Variants in LRRC9 observed in about 807,000 individuals in gnomAD.
LRRC9 encodes leucine rich repeat containing 9.
Under a neutral mutation model 63.2 loss-of-function variants are expected in LRRC9, and 122 were observed. That is an observed-to-expected ratio of 1.93 (90% confidence interval 1.67 to 2.24). LRRC9 has a LOEUF of 2.24. Ranked by LOEUF, LRRC9 falls within the 30% of genes most tolerant of loss-of-function variation. LRRC9 has a pLI of 0.00. For synonymous variants in LRRC9, 366 were observed against 213.1 expected (o/e 1.72, Z -6.25); for missense variants, 1,071 against 627.7 (o/e 1.71, Z -7.55).
At chr14:60,014,882 T>C (rs1480918183) in intron 23 of LRRC9, among the ~76,000 whole-genome samples, 1 of 152,142 alleles carries the variant, frequency 6.6e-6, no homozygotes, top group Admixed American at 6.6e-5. Flanking sequence ...TCTTTTTCTA[T>C]GAATCCAGTG....
At chr14:59,953,911 A>G (rs1883442138) in intron 8 of LRRC9, among the ~76,000 whole-genome samples, 1 of 152,194 alleles carries the variant, frequency 6.6e-6, no homozygotes, top group Non-Finnish European at 1.5e-5. Flanking sequence ...CATTTATTAA[A>G]TAGGGAATCC....
Position 60,036,525 on chromosome 14 carries a change from T to G in LRRC9, c.3990+4462T>G, listed in dbSNP as rs934821509. Among the ~76,000 whole-genome samples, 15 of 152,322 alleles carry G rather than the reference T, an allele frequency of 9.8e-5. 1 individual carries two copies. Among genetic ancestry groups the G allele is most frequent in the Admixed American group, 6.5e-4 (10 of 15,300 alleles). ...TCTGAAGATTACGGACCAGTTAATTTGTAGAATGTCCTTCAAGTTGGGTTC... is the reference window on the plus strand; with the variant it reads ...TCTGAAGATTACGGACCAGTTAATTGGTAGAATGTCCTTCAAGTTGGGTTC... On this transcript the variant is annotated intron_variant, in intron 29 of 31. Coordinates refer to ENST00000445360, the Ensembl canonical transcript of LRRC9.
intron 8 of LRRC9, among the ~76,000 whole-genome samples, chr14:59,957,391 G>A (rs535823584): frequency 6.6e-6 from 1 of 151,984 alleles, no homozygotes; most frequent in East Asian, 1.9e-4. Flanking sequence ...TTCAATCTCT[G>A]ATATCCTTTA....
At position 60,058,464 on chromosome 14, in the gene LRRC9, T is replaced by C. The variant is rs1894437776; in HGVS notation, c.4276+442T>C. The stretch of plus-strand genomic sequence containing the variant: ...GATATTCTGCAGAGATATCTCACTT[T>C]CCCCTTGAAATCATAAGAAAATATT... On this transcript the variant is annotated intron_variant, in intron 31 of 31. Transcript: ENST00000445360. The surrounding 1 kb of genome is among the most constrained non-coding windows in gnomAD (Gnocchi z 4.4). Among the ~76,000 whole-genome samples, 1 of 152,078 alleles carries C rather than the reference T, an allele frequency of 6.6e-6. No homozygotes were observed. Among genetic ancestry groups the C allele is most frequent in the African/African-American group, 2.4e-5 (1 of 41,412 alleles).
At position 59,986,339 on chromosome 14, in the gene LRRC9, T is replaced by C. The variant is rs997724313; in HGVS notation, c.2211+1115T>C. Among the ~76,000 whole-genome samples the C allele has an allele frequency of 6.6e-6, 1 of 152,354 alleles. No individual in the cohort carries two copies. The highest frequency in any genetic ancestry group is 1.9e-4 in the East Asian group (1 of 5,192). The stretch of plus-strand genomic sequence containing the variant: ...AATATATCATCATTTTCAGCTCTTA[T>C]TCATTCTTTATTCCAGCTCCTTGCT... On this transcript the variant is annotated intron_variant, in intron 17 of 31. Coordinates refer to ENST00000445360, the Ensembl canonical transcript of LRRC9. This position sits in a 1 kb window ranked among gnomAD's most constrained non-coding sequence, Gnocchi z 4.7.
rs1048837425 is a variant in LRRC9, at chr14:60,051,759, C to G, written c.3991-1306C>G. On this transcript the variant is annotated intron_variant, in intron 29 of 31. Transcript: ENST00000445360. The surrounding 1 kb of genome is among the most constrained non-coding windows in gnomAD (Gnocchi z 4.7). Reference sequence around the variant, plus strand: ...AAACTTCTGGGTCTCTGTGCCTGAGCAGCTACTCTGCCAAGACTCCACACT... The same window carrying G: ...AAACTTCTGGGTCTCTGTGCCTGAGGAGCTACTCTGCCAAGACTCCACACT... Among the ~76,000 whole-genome samples, 1 of 152,230 alleles carries G rather than the reference C, an allele frequency of 6.6e-6. No homozygotes were observed. Among genetic ancestry groups the G allele is most frequent in the Non-Finnish European group, 1.5e-5 (1 of 68,046 alleles).
intron 20 of LRRC9, among the ~76,000 whole-genome samples, chr14:60,002,918 G>A (rs1220965692): frequency 6.6e-6 from 1 of 152,102 alleles, no homozygotes; most frequent in Non-Finnish European, 1.5e-5. Flanking sequence ...CAAGAGTCAG[G>A]TATCCTGACA....
intron 23 of LRRC9, among the ~76,000 whole-genome samples, chr14:60,010,022 G>A (rs1260440243): frequency 6.6e-6 from 1 of 152,192 alleles, no homozygotes; most frequent in Non-Finnish European, 1.5e-5. Flanking sequence ...TCACAGGCTG[G>A]CATTGAGTGT....
chr14:59,985,918 T>C (rs1322263281), intron 17 of LRRC9, among the ~76,000 whole-genome samples: 1 of 152,184 alleles, frequency 6.6e-6, no homozygotes, highest in Non-Finnish European at 1.5e-5. Context: ...TTTTAAAATG[T>C]ACTTTGGTGT....
chr14:59,959,912 G>A (rs1487442354), exon 9 of LRRC9: 2 of 701,000 alleles, frequency 2.9e-6, no homozygotes, highest in East Asian at 2.7e-5. Flanking sequence ...ACACTGAAGA[G>A]TTGTGAAACT....
chr14:59,955,389 G>C (rs1173612138), intron 8 of LRRC9, among the ~76,000 whole-genome samples: 1 of 152,094 alleles, frequency 6.6e-6, no homozygotes, highest in Non-Finnish European at 1.5e-5. Context: ...TATGTGTCCA[G>C]GAATTTTTCC....
intron 8 of LRRC9, among the ~76,000 whole-genome samples, chr14:59,947,890 A>G (rs1882635151): frequency 6.6e-6 from 1 of 151,484 alleles, no homozygotes; most frequent in Non-Finnish European, 1.5e-5. Flanking sequence ...TACCAGTACC[A>G]TGCTGTTTTG....
chr14:60,054,080 A>G, intron 30 of LRRC9: 1 of 338,344 alleles, frequency 3.0e-6, no homozygotes, highest in Non-Finnish European at 5.7e-6. Context: ...CTTTAAAAAC[A>G]TTAAACTGAA....
At chr14:60,050,145 C>T (rs1027168687) in intron 29 of LRRC9, among the ~76,000 whole-genome samples, 12 of 152,056 alleles carry the variant, frequency 7.9e-5, no homozygotes, top group African/African-American at 2.7e-4. Flanking sequence ...TACAGGCACA[C>T]ACCACCACGC....
chr14:60,032,382 T>C (rs1200757074), intron 29 of LRRC9, among the ~76,000 whole-genome samples: 1 of 152,118 alleles, frequency 6.6e-6, no homozygotes, highest in Non-Finnish European at 1.5e-5. Context: ...CCTTTAATTC[T>C]TCCTCTTTCA....
At chr14:60,063,081 G>T (rs1894761845) in intron 31 of LRRC9, among the ~76,000 whole-genome samples, 1 of 152,002 alleles carries the variant, frequency 6.6e-6, no homozygotes, top group South Asian at 2.1e-4. Flanking sequence ...TTTTAGTAAA[G>T]GCAGGGTTTC....
chr14:60,058,506 G>A lies in LRRC9; in HGVS notation c.4276+484G>A, dbSNP rs75326196. Among the ~76,000 whole-genome samples, 1,455 of 152,240 alleles carry A rather than the reference G, an allele frequency of 9.6e-3. 27 individuals carry two copies. The highest frequency in any genetic ancestry group is 0.033 in the African/African-American group (1,374 of 41,542). On this transcript the variant is annotated intron_variant, in intron 31 of 31. Transcript: ENST00000445360. This position sits in a 1 kb window ranked among gnomAD's most constrained non-coding sequence, Gnocchi z 4.4. Reference sequence around the variant, plus strand: ...GAAAATATTCATGAAGCAAATACTAGAGAAGGGCTTCAAGAGGTAGAGTTT... The same window carrying A: ...GAAAATATTCATGAAGCAAATACTAAAGAAGGGCTTCAAGAGGTAGAGTTT...
chr14:59,922,939 C>T lies in LRRC9; in HGVS notation c.-34+3056C>T, dbSNP rs1888905473. Among the ~76,000 whole-genome samples the T allele has an allele frequency of 6.6e-6, 1 of 152,180 alleles. No individual in the cohort carries two copies. The highest frequency in any genetic ancestry group is 1.5e-5 in the Non-Finnish European group (1 of 68,032). The stretch of plus-strand genomic sequence containing the variant: ...TAGGTGAAATTTTCCAGTAGCAATC[C>T]AAAGTGGAAAGATTAATCCTATGCA... On this transcript the variant is annotated intron_variant, in intron 1 of 31. Coordinates refer to ENST00000445360, the Ensembl canonical transcript of LRRC9. The surrounding 1 kb of genome is among the most constrained non-coding windows in gnomAD (Gnocchi z 5.3).
intron 8 of LRRC9, among the ~76,000 whole-genome samples, chr14:59,949,768 C>G (rs1235750299): frequency 2.0e-5 from 3 of 150,662 alleles, no homozygotes; most frequent in Non-Finnish European, 1.5e-5. Flanking sequence ...AGTAGTCATT[C>G]AGGAGCAGGT....
Sources: gnomAD v4.1 joint callset for allele counts (sites outside exome capture counted in the v4.1 genomes callset) on GRCh38, gnomAD v4.1.1 for gene constraint, Gnocchi (gnomAD v3.1) non-coding constraint, MANE v1.5 for transcripts, NCBI Gene and HGNC (gene_info 2026-07-23, HGNC 2026-07-21) for gene names.